The following PLCB1 variants were observed in gnomAD, a reference collection of about 807,000 sequenced individuals.
PLCB1 encodes phospholipase C beta 1.
A neutral mutation model predicts 161.8 loss-of-function variants in PLCB1; 46 were observed. The ratio of observed to expected loss-of-function variants is 0.28; its 90% CI spans 0.22 to 0.36. PLCB1 has a LOEUF of 0.36. PLCB1 is among the 10% of genes least tolerant of loss of function. PLCB1 has a pLI of 1.00. For synonymous variants in PLCB1, 517 were observed against 503.7 expected, an observed-to-expected ratio of 1.03 and a Z score of -0.35; for missense variants, 1,016 against 1,472.5, an observed-to-expected ratio of 0.69 and a Z score of 5.07.
At chr20:8,464,633 C>A (rs994038025) in intron 3 of PLCB1, among the ~76,000 whole-genome samples, 1 of 152,174 alleles carries the variant, frequency 6.6e-6, no homozygotes, top group Non-Finnish European at 1.5e-5. Context: ...GGTACAAGTG[C>A]ATAGTCCCAT....
chr20:8,290,601 A>G (rs1485395130), intron 2 of PLCB1, among the ~76,000 whole-genome samples: 1 of 152,184 alleles, frequency 6.6e-6, no homozygotes, highest in Non-Finnish European at 1.5e-5. Flanking sequence ...CAAAGAGATG[A>G]AAGCGCTTGC....
chr20:8,237,379 A>G (rs1285046543), intron 2 of PLCB1, among the ~76,000 whole-genome samples: 1 of 152,060 alleles, frequency 6.6e-6, no homozygotes, highest in Non-Finnish European at 1.5e-5. Flanking sequence ...GAACAATAAG[A>G]TCTTATTTTT....
At chr20:8,874,501 T>A (rs1015563108) in intron 31 of PLCB1, among the ~76,000 whole-genome samples, 3 of 152,056 alleles carry the variant, frequency 2.0e-5, no homozygotes, top group African/African-American at 7.2e-5. Context: ...TGACAGGTCA[T>A]AATATTGAAA....
chr20:8,744,428 G>A (rs946688640), intron 23 of PLCB1, among the ~76,000 whole-genome samples: 3 of 151,804 alleles, frequency 2.0e-5, no homozygotes, highest in African/African-American at 7.3e-5. Flanking sequence ...GTTCTTGTGA[G>A]TGAGCTGAAA....
At chr20:8,629,936 TTC>T (rs1988508239) in intron 4 of PLCB1, among the ~76,000 whole-genome samples, 1 of 149,378 alleles carries the variant, frequency 6.7e-6, no homozygotes, top group African/African-American at 2.5e-5. Context: ...CTTCTTTCCT[TTC>T]TTTCTCTCTT....
chr20:8,178,308 C>A (rs1017033319), intron 2 of PLCB1, among the ~76,000 whole-genome samples: 19 of 152,110 alleles, frequency 1.2e-4, no homozygotes, highest in Non-Finnish European at 2.5e-4. Context: ...TACATTCCCA[C>A]CAGCAGTGTA....
In PLCB1 at chr20:8,164,697, C is replaced by A. The variant is rs115606207; in HGVS notation, c.177+14326C>A. On this transcript the variant is annotated intron_variant, in intron 2 of 31. Transcript: ENST00000338037. ...GCTGCAAGGATGTAATATCTGGACT[C>A]ACTTTTGTTATCTTGTTCCCATGAA... Among the ~76,000 whole-genome samples the A allele has an allele frequency of 3.5e-3, 531 of 152,266 alleles. 4 individuals carry two copies. The highest frequency in any genetic ancestry group is 0.012 in the African/African-American group (508 of 41,542).
At chr20:8,825,600 C>T (rs370778748) in intron 31 of PLCB1, among the ~76,000 whole-genome samples, 1 of 152,196 alleles carries the variant, frequency 6.6e-6, no homozygotes, top group East Asian at 1.9e-4. Context: ...GAAAGGTAGA[C>T]AGAAATGAAA....
intron 12 of PLCB1, among the ~76,000 whole-genome samples, chr20:8,710,305 T>A (rs566704465): frequency 6.6e-6 from 1 of 151,956 alleles, no homozygotes; most frequent in Non-Finnish European, 1.5e-5. Flanking sequence ...GAACTCACTA[T>A]CGCAACAACA....
At chr20:8,523,496 C>CTCTCTCTCTCTATATA in intron 3 of PLCB1, among the ~76,000 whole-genome samples, 9 of 51,654 alleles carry the variant, frequency 1.7e-4, no homozygotes, top group South Asian at 1.3e-3. Context: ...CTCTCTCTCT[C>CTCTCTCTCTCTATATA]TATATATATA....
At chr20:8,143,715 A>C (rs780335163) in intron 1 of PLCB1, among the ~76,000 whole-genome samples, 1 of 152,294 alleles carries the variant, frequency 6.6e-6, no homozygotes, top group Middle Eastern at 3.4e-3. Context: ...AAGGAACACA[A>C]GATTTTGAAG....
In PLCB1 at chr20:8,496,086, A is replaced by G. The variant is rs569754581; in HGVS notation, c.246+124636A>G. Reference sequence around the variant, plus strand: ...ATCTCCAGTGCCTAGTATCATTCCCAGCATATAATATGTTTAATGTGAACT... The same window carrying G: ...ATCTCCAGTGCCTAGTATCATTCCCGGCATATAATATGTTTAATGTGAACT... On this transcript the variant is annotated intron_variant, in intron 3 of 31. Coordinates refer to ENST00000338037, the MANE Select transcript of PLCB1 (RefSeq NM_015192.4). 4.6e-5 allele frequency among the ~76,000 whole-genome samples: 7 copies of G among 152,286 alleles called. No homozygotes were observed. In the South Asian group the frequency reaches 1.5e-3, roughly 32 times the overall value.
chr20:8,497,177 A>T (rs1264272809), intron 3 of PLCB1, among the ~76,000 whole-genome samples: 2 of 152,196 alleles, frequency 1.3e-5, no homozygotes, highest in Non-Finnish European at 2.9e-5. Context: ...ACTTAGGCTC[A>T]TGCTTTTCAT....
At position 8,862,957 on chromosome 20, in the gene PLCB1, A is replaced by G. The variant is rs111701867; in HGVS notation, c.3424-18665A>G. 2.3e-4 allele frequency among the ~76,000 whole-genome samples: 35 copies of G among 152,298 alleles called. 1 individual carries two copies. The highest frequency in any genetic ancestry group is 8.2e-4 in the African/African-American group (34 of 41,566). ...TTAAAAGTGTGGCTTTTCTCAGACAAGTTACAAATGTGGGCAACTGGTGAT... is the reference window on the plus strand; with the variant it reads ...TTAAAAGTGTGGCTTTTCTCAGACAGGTTACAAATGTGGGCAACTGGTGAT... On this transcript the variant is annotated intron_variant, in intron 31 of 31. Transcript: ENST00000338037.
chr20:8,299,893 T>C (rs1275873959), intron 2 of PLCB1, among the ~76,000 whole-genome samples: 2 of 152,218 alleles, frequency 1.3e-5, no homozygotes, highest in East Asian at 1.9e-4. Context: ...CTTGGCTCAC[T>C]GCTCCTCAGG....
intron 3 of PLCB1, among the ~76,000 whole-genome samples, chr20:8,375,080 T>C (rs553826089): frequency 3.0e-4 from 45 of 152,348 alleles, no homozygotes; most frequent in African/African-American, 1.1e-3. Context: ...CTTTTCTGTA[T>C]ATAACCTTTG....
At chr20:8,265,282 C>G (rs1216345671) in intron 2 of PLCB1, among the ~76,000 whole-genome samples, 1 of 152,188 alleles carries the variant, frequency 6.6e-6, no homozygotes, top group African/African-American at 2.4e-5. Context: ...TAAAAAAACA[C>G]TTGGTCCTGA....
At chr20:8,678,882 C>A (rs953096053) in intron 9 of PLCB1, among the ~76,000 whole-genome samples, 1 of 152,198 alleles carries the variant, frequency 6.6e-6, no homozygotes, top group Non-Finnish European at 1.5e-5. Context: ...ATCTGGCCAA[C>A]ATGAAATTAG....
intron 2 of PLCB1, among the ~76,000 whole-genome samples, chr20:8,354,797 TAC>T (rs1986309077): frequency 6.6e-6 from 1 of 152,214 alleles, no homozygotes; most frequent in Non-Finnish European, 1.5e-5. Flanking sequence ...TATTTCTCAC[TAC>T]AGAGCTAACA....
Sources: allele counts gnomAD v4.1 joint callset (sites outside exome capture counted in the v4.1 genomes callset), GRCh38; gene constraint gnomAD v4.1.1; transcripts MANE v1.5; gene names NCBI Gene and HGNC (gene_info 2026-07-23, HGNC 2026-07-21).